The following GLYR1 variants were observed in gnomAD, a reference collection of about 807,000 sequenced individuals.
GLYR1 encodes the protein glyoxylate reductase 1 homolog, also known as cytokine-like nuclear factor N-PAC.
A neutral mutation model predicts 72.7 loss-of-function variants in GLYR1; 21 were observed. The observed-to-expected ratio is 0.29, with a 90% CI of 0.20 to 0.42. The LOEUF (loss-of-function observed/expected upper bound fraction) is 0.42. GLYR1 is among the 10% of genes least tolerant of loss of function. The pLI is 1.00. For synonymous variants in GLYR1, 392 were observed against 270.2 expected (o/e 1.45, Z -4.42); for missense variants, 594 against 712.1 (o/e 0.83, Z 1.89).
At chr16:4,844,595 A>G (rs1313448475) in intron 3 of GLYR1, among the ~76,000 whole-genome samples, 1 of 151,118 alleles carries the variant, frequency 6.6e-6, no homozygotes, top group South Asian at 2.1e-4. Context: ...ACATGGTAAA[A>G]CCCCCTCTAC....
rs1488219326 is a variant in GLYR1, at chr16:4,811,669, G to A, written c.1416C>T (p.Leu472=). The A allele has an allele frequency of 6.2e-7, 1 of 1,614,210 alleles. No homozygotes were observed. The highest frequency in any genetic ancestry group is 2.2e-5 in the East Asian group (1 of 44,884). The change falls in exon 14 of 16, where the codon CTC becomes CTT. Residue 472 remains leucine, a synonymous_variant. Transcript: ENST00000321919. ...AGATGCTGGCCAACTGTCCCTGATT[G>A]AGGATGTCCAAGAGTGTCTGCTGGG... is the stretch of plus-strand genomic sequence containing the variant. ...GQSQQTLLDI[L]NQGQLASIFL...
chr16:4,821,661 T>G, intron 7 of GLYR1, 64 bp from the exon 8 acceptor site: 1 of 1,485,738 alleles, frequency 6.7e-7, no homozygotes. Flanking sequence ...TTCATAATAA[T>G]CCCCTCAAAG....
In GLYR1 at chr16:4,803,501, A is replaced by C. The variant is rs1003176083; in HGVS notation, c.*1735T>G. Reference sequence around the variant, plus strand: ...TAGCTTAAACAGAAATATTCATAAAAAGGAACTTTACAGAATTGTCAACAA... The same window carrying C: ...TAGCTTAAACAGAAATATTCATAAACAGGAACTTTACAGAATTGTCAACAA... On this transcript the variant is annotated 3_prime_UTR_variant, in exon 16 of 16. Transcript: ENST00000321919. 1 of 152,658 alleles carries C rather than the reference A, an allele frequency of 6.6e-6. No homozygotes were observed. Among genetic ancestry groups the C allele is most frequent in the Non-Finnish European group, 1.5e-5 (1 of 68,048 alleles). The allele number at this position is 152,658 out of a possible 1,614,324, so 9.5% of individuals were successfully genotyped here.
intron 3 of GLYR1, among the ~76,000 whole-genome samples, chr16:4,837,735 C>G (rs1015643994): frequency 1.3e-5 from 2 of 151,930 alleles, no homozygotes; most frequent in Admixed American, 6.6e-5. Context: ...AGATTGAGAC[C>G]ACCCTGGCCA....
At chr16:4,846,985 A>G in intron 1 of GLYR1, 2 of 538,772 alleles carry the variant, frequency 3.7e-6, no homozygotes, top group Non-Finnish European at 6.5e-6. Flanking sequence ...CCCCGAGTGC[A>G]GACCCCACCC....
intron 5 of GLYR1, among the ~76,000 whole-genome samples, chr16:4,830,841 G>A (rs2084751154): frequency 2.0e-5 from 3 of 152,074 alleles, no homozygotes; most frequent in Admixed American, 1.3e-4. Flanking sequence ...CCCAAGCACG[G>A]CATTCTTGTG....
At chr16:4,818,155 C>T (rs1306975852) in intron 9 of GLYR1, among the ~76,000 whole-genome samples, 6 of 152,142 alleles carry the variant, frequency 3.9e-5, no homozygotes, top group Non-Finnish European at 8.8e-5. Flanking sequence ...CCACCATGCC[C>T]AGCTAATTTT....
chr16:4,838,311 T>A (rs191775932), intron 3 of GLYR1, among the ~76,000 whole-genome samples: 22 of 152,328 alleles, frequency 1.4e-4, no homozygotes, highest in Admixed American at 3.3e-4. Context: ...CCGGTCCACC[T>A]TAGATGTGGC....
At chr16:4,831,208 C>T (rs17630889) in intron 5 of GLYR1, among the ~76,000 whole-genome samples, 1 of 152,078 alleles carries the variant, frequency 6.6e-6, no homozygotes, top group Non-Finnish European at 1.5e-5. Context: ...CCTCTCACCT[C>T]TTTGCTTGCA....
At chr16:4,823,758 AAG>A in intron 6 of GLYR1, 61 bp downstream of exon 6, 1 of 1,182,246 alleles carries the variant, frequency 8.5e-7, no homozygotes, top group East Asian at 2.3e-5. Context: ...AAAAAAAAAA[AAG>A]GATCACACAG....
intron 3 of GLYR1, chr16:4,839,984 C>T (rs545346862): frequency 6.6e-6 from 1 of 152,222 alleles, no homozygotes; most frequent in Non-Finnish European, 1.5e-5. Flanking sequence ...ATGGTGCCCC[C>T]ACCCAGGATG....
intron 7 of GLYR1, 62 bp downstream of exon 7, chr16:4,822,813 A>T: frequency 7.3e-7 from 1 of 1,371,858 alleles, no homozygotes; most frequent in Non-Finnish European, 1.0e-6. Context: ...GCCAGGACCC[A>T]GTGGAGGAGC....
At chr16:4,831,287 C>T (rs1399483799) in intron 5 of GLYR1, among the ~76,000 whole-genome samples, 2 of 152,214 alleles carry the variant, frequency 1.3e-5, no homozygotes, top group Admixed American at 1.3e-4. Flanking sequence ...AGACTTTCCC[C>T]TCTGCACTCG....
intron 10 of GLYR1, among the ~76,000 whole-genome samples, chr16:4,816,801 C>T (rs1417091182): frequency 1.3e-5 from 2 of 152,052 alleles, no homozygotes; most frequent in African/African-American, 2.4e-5. Context: ...GCCTGGCTAA[C>T]ATGGTGAAAC....
rs1457197295 is a variant in GLYR1 at position 4,821,372 on chromosome 16, G to C, written c.806+8C>G. ...AGCCACTGGAGGCCTTTTCATCAAA[G>C]GTCCTACTTTTTGTCTGTGGGTGTG... is the stretch of plus-strand genomic sequence containing the variant. On this transcript the variant is annotated splice_region_variant and intron_variant, in intron 9 of 15. Coordinates refer to ENST00000321919, the MANE Select transcript of GLYR1 (RefSeq NM_032569.4). 1.9e-6 allele frequency: 3 copies of C among 1,612,442 alleles called. No individual in the cohort carries two copies. Among genetic ancestry groups the C allele is most frequent in the East Asian group, 4.5e-5 (2 of 44,898 alleles).
chr16:4,808,872 G>A (rs1448585565), intron 15 of GLYR1, among the ~76,000 whole-genome samples: 3 of 152,018 alleles, frequency 2.0e-5, no homozygotes, highest in Non-Finnish European at 4.4e-5. Context: ...AGGCTGAGGT[G>A]GGAGGATTGC....
chr16:4,833,790 T>C (rs7194897), intron 3 of GLYR1, among the ~76,000 whole-genome samples: 24,020 of 152,230 alleles, frequency 0.16, 3,055 homozygotes, highest in African/African-American at 0.35. Flanking sequence ...TTCTGATCTG[T>C]CACACTAACC....
At chr16:4,820,053 A>G (rs1285916270) in intron 9 of GLYR1, among the ~76,000 whole-genome samples, 1 of 152,134 alleles carries the variant, frequency 6.6e-6, no homozygotes, top group Middle Eastern at 3.2e-3. Context: ...GCTGGAGTGC[A>G]GTGGTGCGAT....
At chr16:4,829,594 T>C (rs1480056566) in intron 5 of GLYR1, among the ~76,000 whole-genome samples, 2 of 151,934 alleles carry the variant, frequency 1.3e-5, no homozygotes, top group African/African-American at 2.4e-5. Flanking sequence ...TCAAGTGATC[T>C]TCTCATCTCA....
Sources: gnomAD v4.1 joint callset for allele counts (sites outside exome capture counted in the v4.1 genomes callset) on GRCh38, gnomAD v4.1.1 for gene constraint, MANE v1.5 for transcripts, NCBI Gene and HGNC (gene_info 2026-07-23, HGNC 2026-07-21) for gene names.